Variants in KATNB1 observed in about 807,000 individuals in gnomAD.
KATNB1 encodes the protein katanin regulatory subunit B1, also known as katanin p80 WD40 repeat-containing subunit B1.
Under a neutral mutation model 82.3 loss-of-function variants are expected in KATNB1, and 38 were observed. That is an observed-to-expected ratio of 0.46 (90% confidence interval 0.36 to 0.61). KATNB1 has a LOEUF of 0.61. Among genes scored for constraint, KATNB1 ranks in the 20% least tolerant of loss-of-function variants. KATNB1 has a pLI of 0.00. For missense variants in KATNB1, 749 were observed against 915.7 expected (o/e 0.82, Z 2.35); for synonymous variants, 361 against 368.7 (o/e 0.98, Z 0.24).
rs1334755791 is a variant in KATNB1 at position 57,751,039 on chromosome 16, C to T, written c.390+112C>T. 4.1e-5 allele frequency: 38 copies of T among 920,374 alleles called. No individual in the cohort carries two copies. The East Asian group carries it at 8.4e-4, about 20-fold the overall frequency. The allele number at this position is 920,374 out of a possible 1,614,324, so 57.0% of individuals were successfully genotyped here. ...AGGGGACCTCTTCCCTTTCTGCAGC[C>T]ACATCCACACCATCCTAGGGAAAGC... On this transcript the variant is annotated intron_variant, in intron 5 of 19. Coordinates refer to ENST00000379661, the MANE Select transcript of KATNB1 (RefSeq NM_005886.3). The surrounding 1 kb of genome is among the most constrained non-coding windows in gnomAD (Gnocchi z 6.3).
chr16:57,753,452 C>T lies in KATNB1; in HGVS notation c.1110C>T (p.Arg370=), dbSNP rs146443074. The change falls in exon 12 of 20, where the codon CGC becomes CGT. Residue 370 remains arginine (R), a synonymous_variant. Transcript: ENST00000379661. Reference sequence around the variant, plus strand: ...GCAGCGAGGATGACCGGGACGAGCGCGAGTCCCGCGCGGAGATCCAGAACG... The same window carrying T: ...GCAGCGAGGATGACCGGGACGAGCGTGAGTCCCGCGCGGAGATCCAGAACG... The part of the protein sequence containing the change: ...SPSSEDDRDE[R]ESRAEIQNAE... 1,090 of 1,613,124 alleles carry T rather than the reference C, an allele frequency of 6.8e-4. No homozygotes were observed. The highest frequency in any genetic ancestry group is 8.3e-4 in the Non-Finnish European group (985 of 1,179,914).
At position 57,756,025 on chromosome 16, in the gene KATNB1, C is replaced by T. The variant is rs782088086; in HGVS notation, c.1677C>T (p.Val559=). 2.5e-6 allele frequency: 4 copies of T among 1,612,040 alleles called. No individual in the cohort carries two copies. The Admixed American group carries it at 5.0e-5, about 20-fold the overall frequency. ...SLWKLDLCTT[V]LPQIEKLLQS... ...GGAAGCTGGACCTGTGCACCACCGTCCTGCCACAGATTGAGAAGCTTCTGC... is the reference window on the plus strand; with the variant it reads ...GGAAGCTGGACCTGTGCACCACCGTTCTGCCACAGATTGAGAAGCTTCTGC... The change falls in exon 18 of 20, where the codon GTC becomes GTT. Residue 559 remains valine (V), a synonymous_variant. Coordinates refer to ENST00000379661, the MANE Select transcript of KATNB1 (RefSeq NM_005886.3).
chr16:57,756,562 C>A, intron 19 of KATNB1, 90 bp downstream of exon 19: 1 of 1,290,306 alleles, frequency 7.8e-7, no homozygotes, highest in Non-Finnish European at 1.1e-6. Flanking sequence ...ACTGACAGTC[C>A]TGCTGGGACA....
At chr16:57,737,422 T>C (rs1223453969) in intron 2 of KATNB1, 139 bp downstream of exon 2, 1 of 934,782 alleles carries the variant, frequency 1.1e-6, no homozygotes, top group Admixed American at 2.2e-5. Flanking sequence ...TAGACCATTA[T>C]GTAAATCATG....
intron 8 of KATNB1, 116 bp downstream of exon 8, chr16:57,752,171 C>T: frequency 2.7e-6 from 2 of 727,980 alleles, no homozygotes; most frequent in South Asian, 3.1e-5. Context: ...GTCTGATGAT[C>T]CTGTGTGGAC....
chr16:57,738,941 T>C (rs1439450710), intron 2 of KATNB1, among the ~76,000 whole-genome samples: 1 of 151,654 alleles, frequency 6.6e-6, no homozygotes, highest in Admixed American at 6.6e-5. Context: ...TGCCTGTGCT[T>C]TGAATCAGTT....
chr16:57,752,468 A>G, intron 8 of KATNB1, 62 bp from the exon 9 acceptor site: 1 of 1,444,198 alleles, frequency 6.9e-7, no homozygotes, highest in Non-Finnish European at 9.5e-7. Flanking sequence ...CTGGCTTCCC[A>G]GGGACATGTG....
chr16:57,757,178 C>T lies in KATNB1; in HGVS notation c.*232C>T. ...TTTGCCCAACTGTTGCTTCTTGGGG[C>T]AGCGAACTGAGCCCTGGGGCTGCTG... On this transcript the variant is annotated 3_prime_UTR_variant, in exon 20 of 20. Coordinates refer to ENST00000379661, the MANE Select transcript of KATNB1 (RefSeq NM_005886.3). 2.5e-6 allele frequency: 1 copy of T among 404,564 alleles called. No homozygotes were observed. Among genetic ancestry groups the T allele is most frequent in the Non-Finnish European group, 4.3e-6 (1 of 232,314 alleles). 25.1% of individuals were successfully genotyped at this position (404,564 alleles called of 1,614,324 possible). A position where few individuals can be genotyped will look rare whatever the true frequency, so the allele number is the denominator to read the frequency against.
intron 4 of KATNB1, among the ~76,000 whole-genome samples, chr16:57,745,428 T>G (rs2049176280): frequency 2.0e-5 from 3 of 151,418 alleles, no homozygotes; most frequent in Non-Finnish European, 4.4e-5. Flanking sequence ...CCGGGTGTGG[T>G]GGCACATGTC....
At position 57,752,881 on chromosome 16, in the gene KATNB1, G is replaced by A; in HGVS notation, c.808G>A (p.Val270Ile). 2 of 1,607,544 alleles carry A rather than the reference G, an allele frequency of 1.2e-6. No individual in the cohort carries two copies. The highest frequency in any genetic ancestry group is 1.3e-5 in the African/African-American group (1 of 75,018). The change falls in exon 10 of 20, where the codon GTC (valine) becomes ATC (isoleucine). Residue 270 changes from valine (V) to isoleucine (I), a missense_variant. Physicochemically the swap from Val to Ile is conservative, Grantham distance 29. Around this residue, in one of 3 missense-constraint regions of KATNB1, gnomAD observed 407 missense variants for 434.7 expected, o/e 0.94. Coordinates refer to ENST00000379661, the MANE Select transcript of KATNB1 (RefSeq NM_005886.3). The stretch of plus-strand genomic sequence containing the variant: ...TGAGCGGTGCTTTGATGTGGTCCTC[G>A]TCAACTGGGGCAAGGTGGCCGACCT... The part of the protein sequence containing the change: ...EPERCFDVVL[V>I]NWGKVADLAI...
Position 57,755,423 on chromosome 16 carries a change from T to C in KATNB1, c.1495T>C (p.Cys499Arg). The C allele has an allele frequency of 6.2e-7, 1 of 1,613,180 alleles. No homozygotes were observed. The highest frequency in any genetic ancestry group is 8.5e-7 in the Non-Finnish European group (1 of 1,179,990). Reference sequence around the variant, plus strand: ...GATCCGCAAAGGCCACGACACCATGTGTGTGGTGCTCACCAGCCGCCACAA... The same window carrying C: ...GATCCGCAAAGGCCACGACACCATGCGTGTGGTGCTCACCAGCCGCCACAA... ...SQIRKGHDTMCVVLTSRHKNL... is the reference protein window; with the variant it reads ...SQIRKGHDTMRVVLTSRHKNL... Residue 499 changes from cysteine to arginine, a missense_variant, in exon 16 of 20, where the codon TGT becomes CGT. By Grantham distance (180) the Cys-to-Arg change is radical (BLOSUM62 -3). This residue lies in a region of KATNB1 where 407 missense variants were observed against 434.7 expected (regional missense o/e 0.94). Coordinates refer to ENST00000379661, the MANE Select transcript of KATNB1 (RefSeq NM_005886.3).
intron 1 of KATNB1, 157 bp from the exon 2 acceptor site, chr16:57,736,821 C>A (rs2049103777): frequency 2.6e-6 from 1 of 385,620 alleles, no homozygotes; most frequent in African/African-American, 2.1e-5. Context: ...CCTGAGGTGC[C>A]CCCTCTGCAG....
rs1395701718 is a variant in KATNB1 at position 57,753,130 on chromosome 16, G to T, written c.909G>T (p.Thr303=). 4 of 1,611,056 alleles carry T rather than the reference G, an allele frequency of 2.5e-6. No homozygotes were observed. The highest frequency in any genetic ancestry group is 3.3e-5 in the Admixed American group (2 of 59,950). The change falls in exon 11 of 20, where the codon ACG becomes ACT. Residue 303 remains threonine (T), a synonymous_variant. Coordinates refer to ENST00000379661, the MANE Select transcript of KATNB1 (RefSeq NM_005886.3). ...SNVSSYVVDL[T]RVTRTGTVAR... ...TCTCCTCCTACGTGGTGGATCTGAC[G>T]CGTGTCACCAGGACTGGCACGGTGG...
chr16:57,754,795 C>T (rs2148796166), intron 13 of KATNB1, 135 bp from the exon 14 acceptor site: 5 of 898,944 alleles, frequency 5.6e-6, no homozygotes, highest in South Asian at 1.5e-5. Flanking sequence ...ACCCCCACGC[C>T]ACTGGCCTGC....
rs2967131 is a variant in KATNB1 at position 57,735,869 on chromosome 16, G to A, written c.-267+14G>A. 6,847 of 152,762 alleles carry A rather than the reference G, an allele frequency of 0.045. 442 individuals are homozygous for A. Among genetic ancestry groups the A allele is most frequent in the East Asian group, 0.25 (1,276 of 5,132 alleles). 9.5% of individuals were successfully genotyped at this position (152,762 alleles called of 1,614,324 possible). On this transcript the variant is annotated intron_variant, in intron 1 of 19. Coordinates refer to ENST00000379661, the MANE Select transcript of KATNB1 (RefSeq NM_005886.3). The stretch of plus-strand genomic sequence containing the variant: ...CCGCAGCTGCAGGTGGAGTGGGCAA[G>A]GGGACGAGGTGGCGAGGGGACGGTG...
intron 3 of KATNB1, 72 bp from the exon 4 acceptor site, chr16:57,744,322 G>T: frequency 1.5e-6 from 2 of 1,318,352 alleles, no homozygotes; most frequent in Non-Finnish European, 2.2e-6. Flanking sequence ...CTTTCCGGGG[G>T]ACTTGGAATT....
chr16:57,754,982 G>T lies in KATNB1; in HGVS notation c.1281G>T (p.Gln427His). 1 of 1,614,096 alleles carries T rather than the reference G, an allele frequency of 6.2e-7. No homozygotes were observed. The highest frequency in any genetic ancestry group is 1.1e-5 in the South Asian group (1 of 91,088). Reference protein sequence around the residue: ...AAKPSPAMDVQFPVPNLEVLP... With the variant: ...AAKPSPAMDVHFPVPNLEVLP... ...AGCCCAGCCCTGCCATGGATGTGCA[G>T]TTCCCGGTGCCAAATGTATGTCCAT... is the stretch of plus-strand genomic sequence containing the variant. Residue 427 changes from glutamine to histidine, a missense_variant, in exon 14 of 20, where the codon CAG (glutamine) becomes CAT (histidine). Gln to His is a conservative substitution (Grantham distance 24). Around this residue, in one of 3 missense-constraint regions of KATNB1, gnomAD observed 407 missense variants for 434.7 expected, o/e 0.94. Coordinates refer to ENST00000379661, the MANE Select transcript of KATNB1 (RefSeq NM_005886.3).
At position 57,752,610 on chromosome 16, in the gene KATNB1, G is replaced by A. The variant is rs782571036; in HGVS notation, c.704+9G>A. The A allele has an allele frequency of 2.9e-5, 45 of 1,560,038 alleles. No homozygotes were observed. Among genetic ancestry groups the A allele is most frequent in the Middle Eastern group, 1.7e-4 (1 of 5,998 alleles). ...GAGCCTGGGCCCGTCAGGTACGCAG[G>A]CTGTGGGGTGGGCGGCCCAGCGCTC... On this transcript the variant is annotated intron_variant, in intron 9 of 19. Transcript: ENST00000379661.
intron 13 of KATNB1, among the ~76,000 whole-genome samples, 156 bp from the exon 14 acceptor site, chr16:57,754,774 G>C (rs1555584989): frequency 6.6e-6 from 1 of 152,188 alleles, no homozygotes; most frequent in Non-Finnish European, 1.5e-5. Context: ...GCCTGCCCCA[G>C]GTCCTCTGGA....
Sources: allele counts gnomAD v4.1 joint callset (sites outside exome capture counted in the v4.1 genomes callset), GRCh38; gene constraint gnomAD v4.1.1; regional missense constraint gnomAD v4.1.1; non-coding constraint Gnocchi (gnomAD v3.1); transcripts MANE v1.5; gene names NCBI Gene and HGNC (gene_info 2026-07-23, HGNC 2026-07-21).